Variants in TCF12 observed in about 807,000 individuals in gnomAD.
The protein encoded by TCF12 is DNA-binding protein HTF4.
In TCF12, 45 loss-of-function variants were observed where a neutral mutation model predicts 86.0. The observed-to-expected ratio is 0.52, with a 90% CI of 0.41 to 0.67. The LOEUF (loss-of-function observed/expected upper bound fraction) is 0.67, where lower values mean the gene tolerates loss of function less well. Among genes scored for constraint, TCF12 ranks in the 30% least tolerant of loss-of-function variants. The pLI is 0.00. For missense variants in TCF12, 881 were observed against 859.9 expected, an observed-to-expected ratio of 1.02 and a Z score of -0.31; for synonymous variants, 330 against 299.6, an observed-to-expected ratio of 1.10 and a Z score of -1.05.
chr15:57,207,698 ATAAG>A lies in TCF12; in HGVS notation c.579+9878_579+9881del, dbSNP rs1295341583. The stretch of plus-strand genomic sequence containing the variant: ...GTCTCAAAAAACAACAACAAAAATA[ATAAG>A]TAAGAACTAAGAAAACTTCAAGTTT... On this transcript the variant is annotated intron_variant, in intron 8 of 20. Coordinates refer to ENST00000333725, the MANE Select transcript of TCF12 (RefSeq NM_207037.2). Among the ~76,000 whole-genome samples the A allele has an allele frequency of 5.9e-5, 9 of 152,268 alleles. No individual in the cohort carries two copies. In the South Asian group the frequency reaches 8.3e-4, roughly 14 times the overall value.
At chr15:57,214,221 T>A (rs2058239729) in intron 8 of TCF12, 1 of 152,186 alleles carries the variant, frequency 6.6e-6, no homozygotes, top group Non-Finnish European at 1.5e-5. Context: ...AAACGTGCAA[T>A]TTGCTTCAGA....
At chr15:57,078,295 G>A (rs1375433029) in intron 4 of TCF12, among the ~76,000 whole-genome samples, 5 of 152,008 alleles carry the variant, frequency 3.3e-5, no homozygotes, top group Non-Finnish European at 5.9e-5. Context: ...GTAATTTGGC[G>A]GACTGGTTTG....
rs200162342 is a variant in TCF12, at chr15:57,090,217, CAAAACA to C, written c.223-1549_223-1544del. 1.5e-3 allele frequency among the ~76,000 whole-genome samples: 235 copies of C among 151,744 alleles called. 5 individuals carry two copies. In the East Asian group the frequency reaches 0.025, roughly 16 times the overall value. On this transcript the variant is annotated intron_variant, in intron 4 of 20. Coordinates refer to ENST00000333725, the MANE Select transcript of TCF12 (RefSeq NM_207037.2). ...GGCAACAGAGCGAGGGCCCTGTCTC[CAAAACA>C]AAAACAAAAACAAAAACAAAAAAAT...
intron 4 of TCF12, among the ~76,000 whole-genome samples, chr15:57,087,462 AG>A (rs1408455432): frequency 6.6e-6 from 1 of 151,014 alleles, no homozygotes; most frequent in African/African-American, 2.4e-5. Context: ...TGTGCTGTTT[AG>A]TTTAAATATG....
chr15:57,086,512 A>G (rs1393225522), intron 4 of TCF12, among the ~76,000 whole-genome samples: 1 of 151,942 alleles, frequency 6.6e-6, no homozygotes, highest in Admixed American at 6.6e-5. Context: ...CAATTATAAC[A>G]CAAATTTAAA....
intron 13 of TCF12, chr15:57,248,199 T>A: frequency 1.5e-6 from 1 of 651,500 alleles, no homozygotes; most frequent in Non-Finnish European, 2.7e-6. Flanking sequence ...CTGGGCCTAA[T>A]GCAGTTGCTT....
intron 7 of TCF12, among the ~76,000 whole-genome samples, chr15:57,195,918 T>C (rs1174221039): frequency 3.9e-5 from 6 of 152,266 alleles, no homozygotes; most frequent in Non-Finnish European, 8.8e-5. Flanking sequence ...GCAGGGGAAT[T>C]GCTTGAGCCC....
At chr15:56,995,154 A>G (rs1222621505) in intron 3 of TCF12, among the ~76,000 whole-genome samples, 5 of 151,180 alleles carry the variant, frequency 3.3e-5, no homozygotes, top group Admixed American at 2.6e-4. Flanking sequence ...GGATAAATTA[A>G]AAAATATTCA....
intron 3 of TCF12, among the ~76,000 whole-genome samples, chr15:56,969,715 T>C (rs919924843): frequency 6.6e-6 from 1 of 152,132 alleles, no homozygotes; most frequent in African/African-American, 2.4e-5. Flanking sequence ...TTTGGAGATA[T>C]TAGTGGAGAA....
chr15:57,121,578 A>G (rs967514), intron 5 of TCF12, among the ~76,000 whole-genome samples: 76,742 of 151,924 alleles, frequency 0.51, 20,531 homozygotes, highest in Non-Finnish European at 0.58. Context: ...GTGAGGACAC[A>G]GCGTTTATCT....
At chr15:57,177,012 G>A (rs1281059326) in intron 6 of TCF12, among the ~76,000 whole-genome samples, 1 of 152,168 alleles carries the variant, frequency 6.6e-6, no homozygotes, top group African/African-American at 2.4e-5. Flanking sequence ...TGATGTGGAA[G>A]CTATCCAGAG....
chr15:57,285,243 A>G (rs188452780), intron 20 of TCF12, among the ~76,000 whole-genome samples: 1 of 152,330 alleles, frequency 6.6e-6, no homozygotes, highest in Admixed American at 6.5e-5. Context: ...GTAGCTTTGA[A>G]TATCTTAGTT....
At chr15:57,030,423 A>AT (rs1179808095) in intron 3 of TCF12, among the ~76,000 whole-genome samples, 1 of 151,934 alleles carries the variant, frequency 6.6e-6, no homozygotes, top group Non-Finnish European at 1.5e-5. Flanking sequence ...AACTTTATTT[A>AT]TTTTTTTGTA....
intron 6 of TCF12, among the ~76,000 whole-genome samples, chr15:57,168,312 A>G (rs2055052913): frequency 6.6e-6 from 1 of 152,242 alleles, no homozygotes. Context: ...GCAGAGAACC[A>G]CAGAATATAA....
At chr15:57,056,116 G>GGTAT (rs1726258327) in intron 3 of TCF12, among the ~76,000 whole-genome samples, 1 of 143,238 alleles carries the variant, frequency 7.0e-6, no homozygotes, top group African/African-American at 2.7e-5. Flanking sequence ...TAGTTTTAGG[G>GGTAT]GTGTGTGTGT....
chr15:57,180,446 G>A (rs2056255516), intron 6 of TCF12, among the ~76,000 whole-genome samples: 1 of 152,140 alleles, frequency 6.6e-6, no homozygotes, highest in Non-Finnish European at 1.5e-5. Context: ...AAAGAAACAC[G>A]TGGTACTATA....
At chr15:57,243,642 GT>G in intron 13 of TCF12, 92 bp downstream of exon 13, 9 of 1,155,130 alleles carry the variant, frequency 7.8e-6, no homozygotes, top group Non-Finnish European at 1.1e-5. Context: ...ATAAAAATTT[GT>G]GAAAAATCAT....
intron 3 of TCF12, among the ~76,000 whole-genome samples, chr15:56,965,724 T>A (rs1010656811): frequency 1.3e-5 from 2 of 152,166 alleles, no homozygotes; most frequent in Non-Finnish European, 2.9e-5. Flanking sequence ...GTTTTTTGGG[T>A]CTGATAAAAC....
chr15:57,012,279 C>G (rs1281944412), intron 3 of TCF12, among the ~76,000 whole-genome samples: 2 of 151,854 alleles, frequency 1.3e-5, no homozygotes, highest in African/African-American at 2.4e-5. Context: ...TTGTCCTAGC[C>G]TGGAAAATAA....
Sources: allele counts gnomAD v4.1 joint callset (sites outside exome capture counted in the v4.1 genomes callset), GRCh38; gene constraint gnomAD v4.1.1; transcripts MANE v1.5; gene names NCBI Gene and HGNC (gene_info 2026-07-23, HGNC 2026-07-21).